ZNF202: variants seen among roughly 807,000 people sequenced by gnomAD.
ZNF202 encodes zinc finger protein with KRAB and SCAN domains 10.
Under a neutral mutation model 54.5 loss-of-function variants are expected in ZNF202, and 22 were observed. That is an observed-to-expected ratio of 0.40 (90% CI 0.29 to 0.58). The LOEUF (loss-of-function observed/expected upper bound fraction) is 0.58. ZNF202 is among the 20% of genes least tolerant of loss of function. The pLI, the probability that ZNF202 is intolerant of heterozygous loss-of-function variation, is 0.39. For synonymous variants in ZNF202, 294 were observed against 301.4 expected (o/e 0.98, Z 0.26); for missense variants, 644 against 805.5 (o/e 0.80, Z 2.43).
chr11:123,730,046 C>T lies in ZNF202; in HGVS notation c.403-221G>A, dbSNP rs930333064. 6.6e-6 allele frequency among the ~76,000 whole-genome samples: 1 copy of T among 152,116 alleles called. No individual in the cohort carries two copies. Among genetic ancestry groups the T allele is most frequent in the Admixed American group, 6.5e-5 (1 of 15,290 alleles). On this transcript the variant is annotated intron_variant, in intron 4 of 8. Coordinates refer to ENST00000530393, the MANE Select transcript of ZNF202 (RefSeq NM_003455.4). The surrounding 1 kb of genome is among the most constrained non-coding windows in gnomAD (Gnocchi z 6.0). ...GCAGGCCTGCACTGCTCTCTCACCA[C>T]CCCCAGCCTGGGCCCCTGTCACCCA...
At chr11:123,740,641 CT>C (rs1255546867) in intron 1 of ZNF202, 105 bp from the exon 2 acceptor site, 1 of 152,274 alleles carries the variant, frequency 6.6e-6, no homozygotes, top group African/African-American at 2.4e-5. Context: ...TCAAGAAAGG[CT>C]GGGTCTAAGA....
chr11:123,737,433 G>A (rs564847857), intron 3 of ZNF202, among the ~76,000 whole-genome samples: 6 of 152,132 alleles, frequency 3.9e-5, no homozygotes, highest in African/African-American at 1.4e-4. Context: ...GTAGTGAGGG[G>A]AGAAATGGCT....
intron 3 of ZNF202, chr11:123,739,333 G>T (rs1861763181): frequency 6.6e-6 from 1 of 152,188 alleles, no homozygotes; most frequent in Non-Finnish European, 1.5e-5. Context: ...GGAGGACAAG[G>T]GATGGAGTTC....
chr11:123,733,352 T>C (rs952554710), intron 3 of ZNF202, among the ~76,000 whole-genome samples: 5 of 152,228 alleles, frequency 3.3e-5, no homozygotes, highest in Non-Finnish European at 7.3e-5. Context: ...CTATCTTGGA[T>C]AGCTCCCTAA....
chr11:123,730,555 C>T lies in ZNF202; in HGVS notation c.334G>A (p.Glu112Lys). The change falls in exon 4 of 9, where the codon GAA (glutamate) becomes AAA (lysine). Residue 112 changes from glutamate (E) to lysine (K), a missense_variant. Physicochemically the swap from Glu to Lys is moderately conservative, Grantham distance 56 (BLOSUM62 1). Around this residue, in one of 3 missense-constraint regions of ZNF202, gnomAD observed 62 missense variants for 122.8 expected, o/e 0.50. Transcript: ENST00000530393. This position sits in a 1 kb window ranked among gnomAD's most constrained non-coding sequence, Gnocchi z 6.0. ...AGCGTCACTGCCTCCTCGCCACTTT[C>T]TGGCCGTTGGCCCCGCACCCAGCTC... Reference protein sequence around the residue: ...LQSWVRGQRPESGEEAVTLVE... With the variant: ...LQSWVRGQRPKSGEEAVTLVE... The T allele has an allele frequency of 6.3e-7, 1 of 1,577,598 alleles. No individual in the cohort carries two copies. Among genetic ancestry groups the T allele is most frequent in the Non-Finnish European group, 8.6e-7 (1 of 1,165,180 alleles).
chr11:123,728,175 C>G lies in ZNF202; in HGVS notation c.790G>C (p.Glu264Gln), dbSNP rs555762365. 1 of 1,612,802 alleles carries G rather than the reference C, an allele frequency of 6.2e-7. No homozygotes were observed. The highest frequency in any genetic ancestry group is 2.2e-5 in the East Asian group (1 of 44,798). Residue 264 changes from glutamate (E) to glutamine (Q), a missense_variant, in exon 7 of 9, where the codon GAA becomes CAA. Glu to Gln is a conservative substitution (Grantham distance 29, BLOSUM62 2). This residue lies in a region of ZNF202 where 536 missense variants were observed against 635.3 expected (regional missense o/e 0.84). Coordinates refer to ENST00000530393, the MANE Select transcript of ZNF202 (RefSeq NM_003455.4). ...LDPTQKEFYGEYVLEEDCGIV... is the reference protein window; with the variant it reads ...LDPTQKEFYGQYVLEEDCGIV... ...CCACAGTCTTCTTCCAAGACATATT[C>G]TCCATAGAACTCTTTCTGTGTTGGG...
chr11:123,726,960 C>T lies in ZNF202; in HGVS notation c.984G>A (p.Leu328=). 6.2e-7 allele frequency: 1 copy of T among 1,613,526 alleles called. No homozygotes were observed. Among genetic ancestry groups the T allele is most frequent in the Non-Finnish European group, 8.5e-7 (1 of 1,179,912 alleles). ...GDRSKDEEEC[L]EQEDLSLEDI... The stretch of plus-strand genomic sequence containing the variant: ...CCTCCAAACTCAGATCTTCCTGCTC[C>T]AGACACTCTTCCTCATCTTTACTCC... Residue 328 remains leucine, a synonymous_variant, in exon 9 of 9, where the codon CTG becomes CTA. Coordinates refer to ENST00000530393, the MANE Select transcript of ZNF202 (RefSeq NM_003455.4). This position sits in a 1 kb window ranked among gnomAD's most constrained non-coding sequence, Gnocchi z 6.0.
At chr11:123,729,469 G>A in intron 5 of ZNF202, 146 bp downstream of exon 5, 4 of 1,067,562 alleles carry the variant, frequency 3.7e-6, no homozygotes, top group South Asian at 3.4e-5. Flanking sequence ...TGGCGGTACT[G>A]TCTCCTCTTG....
chr11:123,725,688 G>T lies in ZNF202; in HGVS notation c.*309C>A. On this transcript the variant is annotated 3_prime_UTR_variant, in exon 9 of 9. Coordinates refer to ENST00000530393, the MANE Select transcript of ZNF202 (RefSeq NM_003455.4). ...AACAGCCTATTTTTTGGACGATATA[G>T]GAACCACGACCTCTTAAGTCTCTTA... 1 of 296,250 alleles carries T rather than the reference G, an allele frequency of 3.4e-6. No homozygotes were observed. The allele number at this position is 296,250 out of a possible 1,614,324, so 18.4% of individuals were successfully genotyped here. A position where few individuals can be genotyped will look rare whatever the true frequency, so the allele number is the denominator to read the frequency against.
In ZNF202 at chr11:123,726,836, A is replaced by C; in HGVS notation, c.1108T>G (p.Phe370Val). 1 of 1,614,148 alleles carries C rather than the reference A, an allele frequency of 6.2e-7. No homozygotes were observed. The highest frequency in any genetic ancestry group is 2.2e-5 in the East Asian group (1 of 44,884). ...DNPGRLNERR[F>V]GTNISQVNSF... is the part of the protein sequence containing the mutation. ...TTCACTTGAGAAATATTAGTACCAAATCTTCTTTCATTAAGTCTACCTGGA... is the reference window on the plus strand; with the variant it reads ...TTCACTTGAGAAATATTAGTACCAACTCTTCTTTCATTAAGTCTACCTGGA... Residue 370 changes from phenylalanine to valine, a missense_variant, in exon 9 of 9, where the codon TTT becomes GTT. Around this residue, in one of 3 missense-constraint regions of ZNF202, gnomAD observed 536 missense variants for 635.3 expected, o/e 0.84. Transcript: ENST00000530393. The surrounding 1 kb of genome is among the most constrained non-coding windows in gnomAD (Gnocchi z 6.0).
chr11:123,741,524 C>T (rs988431034), intron 1 of ZNF202, 25 bp downstream of exon 1: 3 of 152,582 alleles, frequency 2.0e-5, no homozygotes, highest in African/African-American at 7.2e-5. Flanking sequence ...CCGGCCCGGC[C>T]CAGCCCAGCC....
chr11:123,728,049 T>C (rs912321747), intron 7 of ZNF202, 84 bp downstream of exon 7: 12 of 1,501,190 alleles, frequency 8.0e-6, no homozygotes, highest in Middle Eastern at 2.3e-4. Context: ...CTGCATACAA[T>C]CTAAGGTCTA....
chr11:123,735,153 T>C (rs1210744769), intron 3 of ZNF202, among the ~76,000 whole-genome samples: 3 of 152,162 alleles, frequency 2.0e-5, no homozygotes, highest in Non-Finnish European at 4.4e-5. Flanking sequence ...CTCCTACCCC[T>C]GGAAGACAGA....
Position 123,728,274 on chromosome 11 carries a change from T to C in ZNF202, c.703-12A>G, listed in dbSNP as rs201710489. ...AACGTTACCAGTCCCTGAAACCACATAAGGATTTCATCAAAACGTGATGCT... is the reference window on the plus strand; with the variant it reads ...AACGTTACCAGTCCCTGAAACCACACAAGGATTTCATCAAAACGTGATGCT... On this transcript the variant is annotated splice_polypyrimidine_tract_variant and intron_variant, in intron 6 of 8. Coordinates refer to ENST00000530393, the MANE Select transcript of ZNF202 (RefSeq NM_003455.4). The C allele has an allele frequency of 6.1e-5, 97 of 1,601,832 alleles. No homozygotes were observed. In the East Asian group the frequency reaches 7.7e-4, roughly 13 times the overall value.
rs192369574 is a variant in ZNF202 at position 123,736,632 on chromosome 11, C to T, written c.-98+3485G>A. Among the ~76,000 whole-genome samples the T allele has an allele frequency of 2.7e-3, 409 of 152,300 alleles. 1 individual carries two copies. The highest frequency in any genetic ancestry group is 9.4e-3 in the African/African-American group (389 of 41,556). ...GACATATTCTTTTATTCTTGATTGTCCTATATACAAGCGCTTACCTAAGCT... is the reference window on the plus strand; with the variant it reads ...GACATATTCTTTTATTCTTGATTGTTCTATATACAAGCGCTTACCTAAGCT... On this transcript the variant is annotated intron_variant, in intron 3 of 8. Transcript: ENST00000530393.
At chr11:123,727,419 AC>A in intron 8 of ZNF202, 56 bp downstream of exon 8, 1 of 1,607,122 alleles carries the variant, frequency 6.2e-7, no homozygotes, top group South Asian at 1.1e-5. Flanking sequence ...AGAGAGAAGC[AC>A]TGCCTAGAGG....
At chr11:123,734,548 C>T (rs1036360615) in intron 3 of ZNF202, among the ~76,000 whole-genome samples, 6 of 152,168 alleles carry the variant, frequency 3.9e-5, no homozygotes, top group African/African-American at 1.4e-4. Flanking sequence ...TCCAAGATGC[C>T]TTCCCTGGTC....
intron 3 of ZNF202, among the ~76,000 whole-genome samples, chr11:123,734,816 C>T (rs1388005424): frequency 6.6e-6 from 1 of 152,124 alleles, no homozygotes; most frequent in Non-Finnish European, 1.5e-5. Flanking sequence ...GTTATATTAA[C>T]CCATATTCAT....
chr11:123,731,922 T>A (rs1023907238), intron 3 of ZNF202, among the ~76,000 whole-genome samples: 1 of 152,166 alleles, frequency 6.6e-6, no homozygotes, highest in Non-Finnish European at 1.5e-5. Flanking sequence ...CAGCCCCCAA[T>A]CTATTTTTCA....
Sources: allele counts gnomAD v4.1 joint callset (sites outside exome capture counted in the v4.1 genomes callset), GRCh38; gene constraint gnomAD v4.1.1; regional missense constraint gnomAD v4.1.1; non-coding constraint Gnocchi (gnomAD v3.1); transcripts MANE v1.5; gene names NCBI Gene and HGNC (gene_info 2026-07-23, HGNC 2026-07-21).